Variants in KDM5B observed in about 807,000 individuals in gnomAD.
KDM5B encodes the protein lysine-specific demethylase 5B.
In KDM5B, 144 loss-of-function variants were observed where a neutral mutation model predicts 193.4. That is an observed-to-expected ratio of 0.74 (90% confidence interval 0.65 to 0.86). The LOEUF is 0.86. Ranked by LOEUF, KDM5B falls within the 40% of genes least tolerant of loss-of-function variation. The pLI, the probability that KDM5B is intolerant of heterozygous loss-of-function variation, is 0.00. For synonymous variants in KDM5B, 668 were observed against 682.6 expected (o/e 0.98, Z 0.33); for missense variants, 1,833 against 1,886.9 (o/e 0.97, Z 0.53).
At chr1:202,764,783 C>T (rs887711817) in intron 5 of KDM5B, among the ~76,000 whole-genome samples, 4 of 152,098 alleles carry the variant, frequency 2.6e-5, no homozygotes, top group Non-Finnish European at 5.9e-5. Context: ...AGTTTGAGAT[C>T]AGCCTGCCAT....
intron 11 of KDM5B, among the ~76,000 whole-genome samples, chr1:202,754,021 T>C (rs534610065): frequency 6.6e-6 from 1 of 152,350 alleles, no homozygotes; most frequent in South Asian, 2.1e-4. Context: ...TATGTTGTTA[T>C]CACAGTTTCC....
intron 9 of KDM5B, 67 bp from the exon 10 acceptor site, chr1:202,756,583 G>T: frequency 8.0e-7 from 1 of 1,253,572 alleles, no homozygotes; most frequent in Non-Finnish European, 1.1e-6. Flanking sequence ...TAAGCTCAGT[G>T]ATGGGAATCA....
intron 13 of KDM5B, among the ~76,000 whole-genome samples, chr1:202,749,521 C>T (rs61822779): frequency 2.0e-5 from 3 of 152,136 alleles, no homozygotes; most frequent in Non-Finnish European, 4.4e-5. Context: ...TGCACCACTG[C>T]ACTCCAGCCT....
rs1558488608 is a variant in KDM5B at position 202,746,150 on chromosome 1, ATATTTG to A, written c.2184_2189del (p.Tyr730_Lys731del). 1.9e-6 allele frequency: 3 copies of A among 1,605,846 alleles called. No individual in the cohort carries two copies. The highest frequency in any genetic ancestry group is 2.5e-6 in the Non-Finnish European group (3 of 1,177,018). On this transcript the variant is annotated inframe_deletion, in exon 15 of 27. Transcript: ENST00000367265. ...TCGTTCTTCCTACTTACCGCAATTTATATTTGTAAGGAGGACAGGAACACAATTCTT... is the reference window on the plus strand; with the variant it reads ...TCGTTCTTCCTACTTACCGCAATTTATAAGGAGGACAGGAACACAATTCTT...
rs773869555 is a variant in KDM5B at position 202,762,706 on chromosome 1, GT to G, written c.910del (p.Thr304ProfsTer36). The G allele has an allele frequency of 6.4e-7, 1 of 1,566,352 alleles. No individual in the cohort carries two copies. Among genetic ancestry groups the G allele is most frequent in the Admixed American group, 1.7e-5 (1 of 59,954 alleles). On this transcript the variant is annotated frameshift_variant, in exon 7 of 27. Coordinates refer to ENST00000367265, the MANE Select transcript of KDM5B (RefSeq NM_006618.5). LOFTEE classifies it high-confidence loss of function. ...EKPKSRSKKA[T>X]NAVDLYVCLL... ...AAGGGAGATGTCACTCACAGCATTG[GT>G]GGCTTTTTTAGATCGACTCTTGGGC... is the stretch of plus-strand genomic sequence containing the variant.
Position 202,742,720 on chromosome 1 carries a change from G to A in KDM5B, c.2409C>T (p.Val803=). The change falls in exon 17 of 27, where the codon GTC becomes GTT. Residue 803 remains valine, a synonymous_variant. Transcript: ENST00000367265. ...AGGCACACTTCTCTGCATCCTGTGT[G>A]ACTAGGCGAAGGTGTCGCAAAAGAT... ...DNDLLRHLRL[V]TQDAEKCASV... is the part of the protein sequence containing the mutation. 1 of 1,614,188 alleles carries A rather than the reference G, an allele frequency of 6.2e-7. No individual in the cohort carries two copies. The highest frequency in any genetic ancestry group is 8.5e-7 in the Non-Finnish European group (1 of 1,180,022).
At chr1:202,758,172 G>A (rs1360928117) in intron 9 of KDM5B, among the ~76,000 whole-genome samples, 2 of 152,172 alleles carry the variant, frequency 1.3e-5, no homozygotes, top group African/African-American at 4.8e-5. Context: ...TATAATCTGT[G>A]TGGAAGAGGT....
Position 202,728,775 on chromosome 1 carries a change from G to A in KDM5B, c.*261C>T. On this transcript the variant is annotated 3_prime_UTR_variant, in exon 27 of 27. Coordinates refer to ENST00000367265, the MANE Select transcript of KDM5B (RefSeq NM_006618.5). The stretch of plus-strand genomic sequence containing the variant: ...GCCTTCCAAATTGGTGGGAACCCCT[G>A]CAAAAAAAACAGTCAGCTTTTCAAA... 1 of 366,284 alleles carries A rather than the reference G, an allele frequency of 2.7e-6. No individual in the cohort carries two copies. The highest frequency in any genetic ancestry group is 5.0e-6 in the Non-Finnish European group (1 of 199,786). The allele number at this position is 366,284 out of a possible 1,614,324, so 22.7% of individuals were successfully genotyped here. A position where few individuals can be genotyped will look rare whatever the true frequency, so the allele number is the denominator to read the frequency against.
rs56202317 is a variant in KDM5B at position 202,743,336 on chromosome 1, C to CAAA, written c.2324-534_2324-532dup. Among the ~76,000 whole-genome samples the CAAA allele has an allele frequency of 7.6e-4, 60 of 79,436 alleles. 2 individuals are homozygous for CAAA. The highest frequency in any genetic ancestry group is 3.2e-3 in the African/African-American group (59 of 18,290). 52.1% of individuals were successfully genotyped at this position (79,436 alleles called of 152,430 possible). The stretch of plus-strand genomic sequence containing the variant: ...GAGATGACAGAGCAAGACCTTGTCT[C>CAAA]AAAAAAAAAAAAAAAAAAAAAAAAA... On this transcript the variant is annotated intron_variant, in intron 16 of 26. Coordinates refer to ENST00000367265, the MANE Select transcript of KDM5B (RefSeq NM_006618.5).
chr1:202,763,814 T>G (rs1656341653), intron 6 of KDM5B, among the ~76,000 whole-genome samples: 1 of 152,238 alleles, frequency 6.6e-6, no homozygotes, highest in Admixed American at 6.5e-5. Flanking sequence ...ACTCCTAATA[T>G]GCATACATAT....
chr1:202,776,953 C>T lies in KDM5B; in HGVS notation c.282+64G>A, dbSNP rs72750688. 3.5e-4 allele frequency: 350 copies of T among 997,118 alleles called. 1 individual carries two copies. Among genetic ancestry groups the T allele is most frequent in the South Asian group, 6.1e-4 (45 of 74,378 alleles). 61.8% of individuals were successfully genotyped at this position (997,118 alleles called of 1,614,324 possible). A position where few individuals can be genotyped will look rare whatever the true frequency, so the allele number is the denominator to read the frequency against. Reference sequence around the variant, plus strand: ...TGATTCTGTAACAATTTTAATATATCGTAATAATTTCAAAGACGGTCCCCC... The same window carrying T: ...TGATTCTGTAACAATTTTAATATATTGTAATAATTTCAAAGACGGTCCCCC... On this transcript the variant is annotated intron_variant, in intron 2 of 26. Coordinates refer to ENST00000367265, the MANE Select transcript of KDM5B (RefSeq NM_006618.5).
intron 1 of KDM5B, among the ~76,000 whole-genome samples, chr1:202,779,866 C>T (rs1657129460): frequency 1.3e-5 from 2 of 150,736 alleles, no homozygotes; most frequent in East Asian, 1.9e-4. Flanking sequence ...GAAGAAAAAA[C>T]AAAATACATG....
At chr1:202,748,269 C>T (rs954392263) in intron 14 of KDM5B, among the ~76,000 whole-genome samples, 1 of 151,994 alleles carries the variant, frequency 6.6e-6, no homozygotes, top group Admixed American at 6.6e-5. Flanking sequence ...GATGAAAGAC[C>T]TAAATGTAAA....
intron 1 of KDM5B, among the ~76,000 whole-genome samples, chr1:202,793,721 T>C (rs1408777346): frequency 6.6e-6 from 1 of 152,198 alleles, no homozygotes; most frequent in East Asian, 1.9e-4. Context: ...AACCAAATTA[T>C]CTTAGAATCC....
At chr1:202,769,296 A>G (rs907460735) in intron 4 of KDM5B, among the ~76,000 whole-genome samples, 1 of 150,690 alleles carries the variant, frequency 6.6e-6, no homozygotes, top group Non-Finnish European at 1.5e-5. Context: ...TCAGCCTCCC[A>G]AAGTGCTGGG....
intron 10 of KDM5B, 105 bp from the exon 11 acceptor site, chr1:202,755,557 G>A: frequency 1.1e-6 from 1 of 900,342 alleles, no homozygotes; most frequent in East Asian, 2.5e-5. Flanking sequence ...AAGAAATGTG[G>A]AAGAGGAGGG....
At position 202,741,457 on chromosome 1, in the gene KDM5B, G is replaced by C. The variant is rs1228293812; in HGVS notation, c.2855C>G (p.Ser952Ter). 6.2e-7 allele frequency: 1 copy of C among 1,613,486 alleles called. No individual in the cohort carries two copies. Among genetic ancestry groups the C allele is most frequent in the Non-Finnish European group, 8.5e-7 (1 of 1,179,542 alleles). ...IDLGVGLAPYSAVEKAMARLQ... is the reference protein window; with the variant it reads ...IDLGVGLAPY ...CCGGGCCATAGCTTTCTCCACTGCT[G>C]AATACGGGGCCAGCCCTACCCCTAG... The change falls in exon 19 of 27, where the codon TCA becomes TGA. Residue 952 changes from serine to a stop codon, truncating the protein, a stop_gained. Transcript: ENST00000367265. LOFTEE classifies it high-confidence loss of function.
At chr1:202,777,135 C>G in intron 1 of KDM5B, 41 bp from the exon 2 acceptor site, 1 of 1,431,458 alleles carries the variant, frequency 7.0e-7, no homozygotes, top group East Asian at 2.3e-5. Flanking sequence ...AACTTATAAG[C>G]ATTTGACATT....
intron 1 of KDM5B, among the ~76,000 whole-genome samples, chr1:202,785,993 C>A (rs1657396088): frequency 6.6e-6 from 1 of 150,646 alleles, no homozygotes; most frequent in African/African-American, 2.4e-5. Flanking sequence ...CTAATGCAGG[C>A]TTGTTTTTTG....
Sources: allele counts gnomAD v4.1 joint callset (sites outside exome capture counted in the v4.1 genomes callset), GRCh38; gene constraint gnomAD v4.1.1; transcripts MANE v1.5; gene names NCBI Gene and HGNC (gene_info 2026-07-23, HGNC 2026-07-21).